CSMD1: variants seen among roughly 807,000 people sequenced by gnomAD.
CSMD1 encodes CUB and sushi domain-containing protein 1.
A neutral mutation model predicts 417.5 loss-of-function variants in CSMD1; 213 were observed. The ratio of observed to expected loss-of-function variants is 0.51; its 90% CI spans 0.46 to 0.57. The LOEUF is 0.57. Ranked by LOEUF, CSMD1 falls within the 20% of genes least tolerant of loss-of-function variation. The pLI, the probability that CSMD1 is intolerant of heterozygous loss-of-function variation, is 0.00. For missense variants in CSMD1, 6,923 were observed against 4,529.7 expected, an observed-to-expected ratio of 1.53 and a Z score of -15.17; for synonymous variants, 2,862 against 1,736.8, an observed-to-expected ratio of 1.65 and a Z score of -16.11.
intron 54 of CSMD1, among the ~76,000 whole-genome samples, chr8:2,993,412 G>T (rs1303194413): frequency 6.6e-6 from 1 of 152,164 alleles, no homozygotes; most frequent in East Asian, 1.9e-4. Flanking sequence ...GTCTGCCCCT[G>T]TCCGGCATCA....
chr8:3,314,464 A>T (rs1805597935), intron 23 of CSMD1, among the ~76,000 whole-genome samples: 1 of 152,170 alleles, frequency 6.6e-6, no homozygotes, highest in Admixed American at 6.6e-5. Context: ...GGGCACAAAT[A>T]CTGGTTCTGT....
intron 3 of CSMD1, among the ~76,000 whole-genome samples, chr8:4,158,475 T>A (rs527601694): frequency 1.3e-5 from 2 of 152,042 alleles, no homozygotes; most frequent in South Asian, 4.2e-4. Context: ...CAGCCGCTAG[T>A]GCAGTCATCA....
chr8:2,994,145 C>CCAAAA (rs1806656749), intron 54 of CSMD1, among the ~76,000 whole-genome samples: 1 of 30,516 alleles, frequency 3.3e-5, no homozygotes, highest in African/African-American at 2.4e-4. Context: ...AACTCCATCT[C>CCAAAA]AAAAAAAAAA....
intron 5 of CSMD1, among the ~76,000 whole-genome samples, chr8:3,911,455 G>C (rs983527198): frequency 6.6e-6 from 1 of 151,402 alleles, no homozygotes; most frequent in Non-Finnish European, 1.5e-5. Context: ...GTGAACCCGC[G>C]AGGCGGAGCC....
intron 10 of CSMD1, among the ~76,000 whole-genome samples, chr8:3,537,314 G>C (rs1315119132): frequency 2.0e-5 from 3 of 152,136 alleles, no homozygotes; most frequent in Non-Finnish European, 2.9e-5. Flanking sequence ...GCAAACTCTT[G>C]CTTATATGAC....
intron 2 of CSMD1, among the ~76,000 whole-genome samples, chr8:4,432,327 A>C (rs1797917803): frequency 6.6e-6 from 1 of 152,134 alleles, no homozygotes; most frequent in Non-Finnish European, 1.5e-5. Flanking sequence ...TAAGTAACTT[A>C]CTCAAAGGAC....
chr8:3,052,035 G>T (rs1328720345), intron 50 of CSMD1, among the ~76,000 whole-genome samples: 1 of 152,182 alleles, frequency 6.6e-6, no homozygotes, highest in Non-Finnish European at 1.5e-5. Context: ...ACAAATAAAT[G>T]AGGCACTGCT....
chr8:3,932,383 C>T (rs1471501935), intron 5 of CSMD1, among the ~76,000 whole-genome samples: 1 of 150,514 alleles, frequency 6.6e-6, no homozygotes. Flanking sequence ...GGGTGTTTTG[C>T]TATGCCTGCA....
chr8:4,634,472 G>T (rs907530700), intron 2 of CSMD1, among the ~76,000 whole-genome samples: 3 of 152,086 alleles, frequency 2.0e-5, no homozygotes, highest in African/African-American at 7.2e-5. Flanking sequence ...TGGTATTTCA[G>T]TTAATGCACA....
chr8:4,329,106 G>A lies in CSMD1; in HGVS notation c.415+90847C>T, dbSNP rs573803413. Among the ~76,000 whole-genome samples the A allele has an allele frequency of 7.2e-5, 11 of 152,172 alleles. No individual in the cohort carries two copies. The South Asian group carries it at 8.3e-4, about 11-fold the overall frequency. ...CAAATAAATCCAAGCCTTGTATTGC[G>A]TCTACAGACTGTATGGCTTCCAAAC... On this transcript the variant is annotated intron_variant, in intron 3 of 69. Coordinates refer to ENST00000635120, the MANE Select transcript of CSMD1 (RefSeq NM_033225.6).
chr8:3,151,333 T>G, intron 40 of CSMD1, 64 bp downstream of exon 40: 1 of 1,036,562 alleles, frequency 9.6e-7, no homozygotes, highest in Non-Finnish European at 1.5e-6. Flanking sequence ...TTATTCTGCT[T>G]AATTCTTTCC....
chr8:4,470,328 G>A (rs1411575914), intron 2 of CSMD1, among the ~76,000 whole-genome samples: 1 of 152,112 alleles, frequency 6.6e-6, no homozygotes, highest in African/African-American at 2.4e-5. Flanking sequence ...TCTACAACGT[G>A]GCGTCACTTG....
intron 5 of CSMD1, among the ~76,000 whole-genome samples, chr8:3,981,035 C>G (rs1003992548): frequency 2.0e-5 from 3 of 152,068 alleles, no homozygotes; most frequent in Admixed American, 6.6e-5. Context: ...CTGTAGTAAC[C>G]ATGAATTTTC....
chr8:3,399,186 C>G (rs1422214058), intron 16 of CSMD1, among the ~76,000 whole-genome samples: 1 of 152,166 alleles, frequency 6.6e-6, no homozygotes, highest in East Asian at 1.9e-4. Flanking sequence ...CCCTACTAAC[C>G]TCCAGAGCAT....
intron 5 of CSMD1, among the ~76,000 whole-genome samples, chr8:3,975,629 C>A (rs1489455096): frequency 1.3e-5 from 2 of 152,110 alleles, no homozygotes; most frequent in African/African-American, 4.8e-5. Flanking sequence ...GACTAAAGTG[C>A]CTGTAGGTGC....
chr8:3,634,277 G>C (rs1157077137), intron 7 of CSMD1, among the ~76,000 whole-genome samples: 1 of 152,302 alleles, frequency 6.6e-6, no homozygotes. Flanking sequence ...CATGGTATTG[G>C]AGCACCCCTC....
chr8:4,227,049 G>A (rs1470098653), intron 3 of CSMD1, among the ~76,000 whole-genome samples: 1 of 152,074 alleles, frequency 6.6e-6, no homozygotes, highest in Non-Finnish European at 1.5e-5. Context: ...TCAACTCTAA[G>A]ACTGAACGAC....
intron 5 of CSMD1, among the ~76,000 whole-genome samples, chr8:3,786,217 G>A (rs1400094255): frequency 1.3e-5 from 2 of 152,122 alleles, no homozygotes; most frequent in African/African-American, 4.8e-5. Context: ...GGCACGTTGG[G>A]ATCAAGGTGT....
Position 4,814,896 on chromosome 8 carries a change from T to A in CSMD1, c.86-177338A>T, listed in dbSNP as rs187320260. On this transcript the variant is annotated intron_variant, in intron 1 of 69. Transcript: ENST00000635120. ...TCATATTTCACTGATAAAAACTATA[T>A]AATCACAAAACTACGTATTTGGTTG... 6.6e-5 allele frequency among the ~76,000 whole-genome samples: 10 copies of A among 152,320 alleles called. No individual in the cohort carries two copies. In the South Asian group the frequency reaches 2.1e-3, roughly 32 times the overall value.
Sources: gnomAD v4.1 joint callset for allele counts (sites outside exome capture counted in the v4.1 genomes callset) on GRCh38, gnomAD v4.1.1 for gene constraint, MANE v1.5 for transcripts, NCBI Gene and HGNC (gene_info 2026-07-23, HGNC 2026-07-21) for gene names.